Variants in IL37 observed in about 807,000 individuals in gnomAD.
The protein encoded by IL37 is interleukin-37.
A neutral mutation model predicts 15.4 loss-of-function variants in IL37; 15 were observed. That is an observed-to-expected ratio of 0.98 (90% CI 0.65 to 1.50). The LOEUF (loss-of-function observed/expected upper bound fraction) is 1.50, where lower values mean the gene tolerates loss of function less well. IL37 is among the 40% of genes most tolerant of loss of function. The pLI is 0.00. For synonymous variants in IL37, 98 were observed against 97.4 expected (o/e 1.01, Z -0.03); for missense variants, 269 against 261.7 (o/e 1.03, Z -0.19).
At position 112,918,727 on chromosome 2, in the gene IL37, A is replaced by T. The variant is rs141159420; in HGVS notation, c.575A>T (p.Lys192Ile). The change falls in exon 6 of 6, where the codon AAA (lysine) becomes ATA (isoleucine). Residue 192 changes from lysine to isoleucine, a missense_variant. Physicochemically the swap from Lys to Ile is moderately radical, Grantham distance 102 (BLOSUM62 -3). Coordinates refer to ENST00000263326, the MANE Select transcript of IL37 (RefSeq NM_014439.4). ...NCNEPVGVTD[K>I]FENRKHIEFS... ...AATGAGCCTGTTGGGGTGACAGATA[A>T]ATTTGAGAACAGGAAACACATTGAA... The T allele has an allele frequency of 1.8e-5, 29 of 1,614,126 alleles. No homozygotes were observed. The East Asian group carries it at 6.0e-4, about 33-fold the overall frequency.
intron 3 of IL37, among the ~76,000 whole-genome samples, chr2:112,915,538 T>G (rs1312292760): frequency 6.6e-6 from 1 of 152,164 alleles, no homozygotes; most frequent in Non-Finnish European, 1.5e-5. Flanking sequence ...TACTGAACCA[T>G]AGTTTGCAGG....
Position 112,917,751 on chromosome 2 carries a change from C to G in IL37, c.382C>G (p.Gln128Glu). Reference protein sequence around the residue: ...FCLYCDKDKGQSHPSLQLKKE... With the variant: ...FCLYCDKDKGESHPSLQLKKE... ...TCTCTACTGTGACAAGGATAAAGGACAAAGTCATCCATCCCTTCAGCTGAA... is the reference window on the plus strand; with the variant it reads ...TCTCTACTGTGACAAGGATAAAGGAGAAAGTCATCCATCCCTTCAGCTGAA... Residue 128 changes from glutamine to glutamate, a missense_variant, in exon 5 of 6, where the codon CAA becomes GAA. Transcript: ENST00000263326. The G allele has an allele frequency of 6.2e-7, 1 of 1,614,178 alleles. No homozygotes were observed. The highest frequency in any genetic ancestry group is 8.5e-7 in the Non-Finnish European group (1 of 1,180,016).
intron 3 of IL37, among the ~76,000 whole-genome samples, chr2:112,916,520 C>G (rs1484287948): frequency 6.6e-6 from 1 of 152,080 alleles, no homozygotes; most frequent in African/African-American, 2.4e-5. Flanking sequence ...TTCAAAGGAG[C>G]CACTAAAGCT....
intron 2 of IL37, 76 bp downstream of exon 2, chr2:112,913,170 A>G: frequency 1.0e-6 from 1 of 982,524 alleles, no homozygotes; most frequent in Admixed American, 3.0e-5. Context: ...TGCTGTGCAC[A>G]GACCCAGTTG....
chr2:112,917,871 C>G, intron 5 of IL37, 94 bp downstream of exon 5: 1 of 1,350,384 alleles, frequency 7.4e-7, no homozygotes, highest in South Asian at 1.2e-5. Context: ...AAATTCTTAT[C>G]TTGGCCAATA....
chr2:112,915,268 T>C, intron 3 of IL37: 9 of 1,610,964 alleles, frequency 5.6e-6, no homozygotes, highest in Non-Finnish European at 7.6e-6. Flanking sequence ...AGGTACAAAG[T>C]AAAATGATGG....
chr2:112,914,045 G>A (rs1208762543), intron 3 of IL37, among the ~76,000 whole-genome samples, 191 bp downstream of exon 3: 3 of 152,128 alleles, frequency 2.0e-5, no homozygotes, highest in South Asian at 2.1e-4. Flanking sequence ...AGATGAGCCC[G>A]GGGAGGGGCA....
chr2:112,912,228 A>G lies in IL37; in HGVS notation c.-50-735A>G, dbSNP rs564380422. 1.2e-4 allele frequency among the ~76,000 whole-genome samples: 18 copies of G among 152,286 alleles called. No homozygotes were observed. The South Asian group carries it at 3.1e-3, about 26-fold the overall frequency. Reference sequence around the variant, plus strand: ...CCAATTTTTGCTCCACTTCTGTCCTATGTTGGCCTGGGCTGATGTTGAAAG... The same window carrying G: ...CCAATTTTTGCTCCACTTCTGTCCTGTGTTGGCCTGGGCTGATGTTGAAAG... On this transcript the variant is annotated intron_variant, in intron 1 of 5. Transcript: ENST00000263326.
chr2:112,917,327 G>T, intron 4 of IL37, 79 bp downstream of exon 4: 4 of 1,487,226 alleles, frequency 2.7e-6, no homozygotes, highest in Non-Finnish European at 3.7e-6. Context: ...TCAACTCCAT[G>T]CTATACCATG....
intron 3 of IL37, among the ~76,000 whole-genome samples, chr2:112,914,292 C>T (rs1683250517): frequency 6.6e-6 from 1 of 152,194 alleles, no homozygotes; most frequent in African/African-American, 2.4e-5. Flanking sequence ...ACCACAACAC[C>T]CTAATAGGAA....
At position 112,913,759 on chromosome 2, in the gene IL37, T is replaced by G. The variant is rs1356032800; in HGVS notation, c.83-33T>G. 9 of 1,592,010 alleles carry G rather than the reference T, an allele frequency of 5.7e-6. No individual in the cohort carries two copies. The South Asian group carries it at 1.0e-4, about 18-fold the overall frequency. ...CCCTAAATCCTTGGAAAATCCGAAT[T>G]GCATATGCTAACCTCACTGCGTCTG... On this transcript the variant is annotated intron_variant, in intron 2 of 5. Transcript: ENST00000263326.
rs1238940107 is a variant in IL37, at chr2:112,913,772, C to T, written c.83-20C>T. On this transcript the variant is annotated intron_variant, in intron 2 of 5. Coordinates refer to ENST00000263326, the MANE Select transcript of IL37 (RefSeq NM_014439.4). The stretch of plus-strand genomic sequence containing the variant: ...GAAAATCCGAATTGCATATGCTAAC[C>T]TCACTGCGTCTGACTGCAGACCCGG... 1.2e-6 allele frequency: 2 copies of T among 1,610,090 alleles called. No homozygotes were observed. The highest frequency in any genetic ancestry group is 3.3e-5 in the Admixed American group (2 of 59,954).
At position 112,918,781 on chromosome 2, in the gene IL37, A is replaced by G. The variant is rs146730353; in HGVS notation, c.629A>G (p.Glu210Gly). ...EFSFQPVCKAEMSPSEVSD is the reference protein window; with the variant it reads ...EFSFQPVCKAGMSPSEVSD ...TCATTTCAACCAGTTTGCAAAGCTG[A>G]AATGAGCCCCAGTGAGGTCAGCGAT... Residue 210 changes from glutamate to glycine, a missense_variant, in exon 6 of 6, where the codon GAA (glutamate) becomes GGA (glycine). Coordinates refer to ENST00000263326, the MANE Select transcript of IL37 (RefSeq NM_014439.4). 1 of 1,614,118 alleles carries G rather than the reference A, an allele frequency of 6.2e-7. No homozygotes were observed. The highest frequency in any genetic ancestry group is 1.1e-5 in the South Asian group (1 of 91,074).
chr2:112,913,729 G>T, intron 2 of IL37, 63 bp from the exon 3 acceptor site: 5 of 1,331,216 alleles, frequency 3.8e-6, no homozygotes, highest in Non-Finnish European at 5.4e-6. Flanking sequence ...AATGGTCTTT[G>T]ATACCCCTAA....
In IL37 at chr2:112,913,854, A is replaced by G; in HGVS notation, c.145A>G (p.Ser49Gly). ...SLPTMNFVHT[S>G]PKVKNLNPKK... Reference sequence around the variant, plus strand: ...CCCCACCATGAATTTTGTTCACACAAGTAAGGCCTCGGGGTGAGGTGATGG... The same window carrying G: ...CCCCACCATGAATTTTGTTCACACAGGTAAGGCCTCGGGGTGAGGTGATGG... Residue 49 changes from serine to glycine, a missense_variant and splice_region_variant, in exon 3 of 6, where the codon AGT (serine) becomes GGT (glycine). Ser to Gly is a moderately conservative substitution (Grantham distance 56). Coordinates refer to ENST00000263326, the MANE Select transcript of IL37 (RefSeq NM_014439.4). 1 of 1,612,700 alleles carries G rather than the reference A, an allele frequency of 6.2e-7. No homozygotes were observed. The highest frequency in any genetic ancestry group is 8.5e-7 in the Non-Finnish European group (1 of 1,178,940).
At chr2:112,917,838 C>T in intron 5 of IL37, 61 bp downstream of exon 5, 1 of 1,537,912 alleles carries the variant, frequency 6.5e-7, no homozygotes, top group Non-Finnish European at 9.0e-7. Flanking sequence ...GGCCAAGATC[C>T]TCAATGCCTC....
chr2:112,917,390 G>A, intron 4 of IL37, 142 bp downstream of exon 4: 3 of 1,012,180 alleles, frequency 3.0e-6, no homozygotes, highest in Non-Finnish European at 4.4e-6. Flanking sequence ...AGGGACTAGG[G>A]CATCAGATGA....
At chr2:112,915,237 C>T (rs1264878071) in intron 3 of IL37, 4 of 1,613,992 alleles carry the variant, frequency 2.5e-6, no homozygotes, top group Non-Finnish European at 3.4e-6. Context: ...AAGGAAAGAA[C>T]AGCTTTAAGA....
At chr2:112,916,563 G>A (rs1403413497) in intron 3 of IL37, among the ~76,000 whole-genome samples, 1 of 152,122 alleles carries the variant, frequency 6.6e-6, no homozygotes, top group Admixed American at 6.5e-5. Context: ...TGGGCTCCTG[G>A]GGGCTTCCTG....
Sources: allele counts gnomAD v4.1 joint callset (sites outside exome capture counted in the v4.1 genomes callset), GRCh38; gene constraint gnomAD v4.1.1; transcripts MANE v1.5; gene names NCBI Gene and HGNC (gene_info 2026-07-23, HGNC 2026-07-21).